The following OPRM1 variants were observed in gnomAD, a reference collection of about 807,000 sequenced individuals.
OPRM1 encodes opioid receptor mu 1.
Under a neutral mutation model 31.8 loss-of-function variants are expected in OPRM1, and 27 were observed. That is an observed-to-expected ratio of 0.85 (90% CI 0.63 to 1.17). The LOEUF (loss-of-function observed/expected upper bound fraction) is 1.17. OPRM1 is among the 50% of genes most tolerant of loss of function. The probability of loss-of-function intolerance (pLI) is 0.00; values close to 1 mark genes in which losing one functional copy is unlikely to be tolerated. For missense variants in OPRM1, 536 were observed against 511.1 expected, an observed-to-expected ratio of 1.05 and a Z score of -0.47; for synonymous variants, 196 against 189.9, an observed-to-expected ratio of 1.03 and a Z score of -0.26.
upstream of OPRM1, among the ~76,000 whole-genome samples, chr6:154,036,710 A>G (rs1252193620): frequency 6.6e-6 from 1 of 152,094 alleles, no homozygotes; most frequent in East Asian, 1.9e-4. Context: ...CTGTGTCATT[A>G]AAAAAATCAC....
chr6:154,203,251 C>G (rs1242066765), intron 3 of OPRM1, among the ~76,000 whole-genome samples: 1 of 152,150 alleles, frequency 6.6e-6, no homozygotes, highest in African/African-American at 2.4e-5. Flanking sequence ...ATGAGCCCAA[C>G]CTTCGTGTGT....
intron 3 of OPRM1, among the ~76,000 whole-genome samples, chr6:154,116,076 C>T (rs548165809): frequency 6.6e-6 from 1 of 152,266 alleles, no homozygotes; most frequent in South Asian, 2.1e-4. Flanking sequence ...TAAATCAGCA[C>T]AGCTGCCAGT....
At chr6:154,069,155 G>A (rs757507862) in intron 1 of OPRM1, among the ~76,000 whole-genome samples, 3 of 152,142 alleles carry the variant, frequency 2.0e-5, no homozygotes, top group Admixed American at 1.3e-4. Flanking sequence ...TTTGAATGTT[G>A]TCTTTTCACT....
chr6:154,061,497 G>T (rs1784407178), intron 1 of OPRM1, among the ~76,000 whole-genome samples: 1 of 152,044 alleles, frequency 6.6e-6, no homozygotes, highest in African/African-American at 2.4e-5. Flanking sequence ...CCATAAAAAA[G>T]AATGAAATCA....
Position 154,219,485 on chromosome 6 carries a change from GAAAAGAC to G in OPRM1, c.1165-27207_1165-27201del, listed in dbSNP as rs1403177890. ...ACTGTTTCACCACCATTCAAGACCA[GAAAAGAC>G]CATTTGGGATGAACTGAGGCTCAGC... On this transcript the variant is annotated intron_variant, in intron 3 of 3. Coordinates refer to the OPRM1 transcript ENST00000337049. 2.1e-4 allele frequency among the ~76,000 whole-genome samples: 32 copies of G among 152,234 alleles called. No homozygotes were observed. The East Asian group carries it at 6.0e-3, about 29-fold the overall frequency.
intron 3 of OPRM1, among the ~76,000 whole-genome samples, chr6:154,097,171 C>T (rs750116388): frequency 1.4e-4 from 21 of 152,188 alleles, no homozygotes; most frequent in Non-Finnish European, 2.5e-4. Flanking sequence ...ATAAAGTGAA[C>T]GTCGTGGCAT....
chr6:154,143,307 G>A (rs1432653727), intron 3 of OPRM1, among the ~76,000 whole-genome samples: 1 of 151,952 alleles, frequency 6.6e-6, no homozygotes, highest in East Asian at 1.9e-4. Context: ...CATCACTCTT[G>A]CTCCATCTAT....
At chr6:154,035,143 G>A (rs938529381), upstream of OPRM1, among the ~76,000 whole-genome samples, 2 of 152,042 alleles carry the variant, frequency 1.3e-5, no homozygotes, top group African/African-American at 4.8e-5. Flanking sequence ...CCAAATATCA[G>A]GAAGTATAAG....
At chr6:154,181,896 T>G (rs942733307) in intron 3 of OPRM1, among the ~76,000 whole-genome samples, 2 of 152,176 alleles carry the variant, frequency 1.3e-5, no homozygotes, top group Admixed American at 6.5e-5. Context: ...TGTACAAGAC[T>G]GCAGCCATGT....
intron 3 of OPRM1, among the ~76,000 whole-genome samples, chr6:154,150,744 T>C (rs758413316): frequency 2.0e-5 from 3 of 152,266 alleles, no homozygotes; most frequent in Admixed American, 6.5e-5. Context: ...GACTTTGACA[T>C]TGAAGACTGG....
At position 154,039,635 on chromosome 6, in the gene OPRM1, T is replaced by A. The variant is rs1423291779; in HGVS notation, c.91T>A (p.Trp31Arg). The change falls in exon 1 of 4, where the codon TGG (tryptophan) becomes AGG (arginine). Residue 31 changes from tryptophan (W) to arginine (R), a missense_variant. Transcript: ENST00000330432. ...CTCCCCAGCACCCAGCCCCGGTTCC[T>A]GGGTCAACTTGTCCCACTTAGATGG... ...SCSPAPSPGSWVNLSHLDGNL... is the reference protein window; with the variant it reads ...SCSPAPSPGSRVNLSHLDGNL... 3 of 1,613,610 alleles carry A rather than the reference T, an allele frequency of 1.9e-6. No homozygotes were observed. In the Admixed American group the frequency reaches 5.0e-5, roughly 27 times the overall value.
chr6:154,228,815 A>G (rs1265204994), intron 3 of OPRM1, among the ~76,000 whole-genome samples: 2 of 152,160 alleles, frequency 1.3e-5, no homozygotes, highest in Non-Finnish European at 2.9e-5. Flanking sequence ...TTGAGGCCAG[A>G]CGTTCAAGGC....
chr6:154,108,665 G>A, intron 3 of OPRM1: 1 of 364,088 alleles, frequency 2.7e-6, no homozygotes, highest in Non-Finnish European at 3.8e-6. Flanking sequence ...TAGCATCAAA[G>A]CTGTTCTTAG....
At chr6:154,038,015 G>A (rs1397164816), upstream of OPRM1, among the ~76,000 whole-genome samples, 1 of 152,080 alleles carries the variant, frequency 6.6e-6, no homozygotes, top group Admixed American at 6.5e-5. Context: ...GGAAATCTCT[G>A]TAACATTTTA....
At chr6:154,166,527 C>T (rs915662350) in intron 3 of OPRM1, among the ~76,000 whole-genome samples, 6 of 152,222 alleles carry the variant, frequency 3.9e-5, no homozygotes, top group Non-Finnish European at 5.9e-5. Context: ...TCACGGATTT[C>T]GTGACAGTGT....
Position 154,122,499 on chromosome 6 carries a change from A to G in OPRM1, c.*3778A>G, listed in dbSNP as rs1454660076. Among the ~76,000 whole-genome samples, 1 of 152,202 alleles carries G rather than the reference A, an allele frequency of 6.6e-6. No individual in the cohort carries two copies. Among genetic ancestry groups the G allele is most frequent in the African/African-American group, 2.4e-5 (1 of 41,466 alleles). On this transcript the variant is annotated 3_prime_UTR_variant, in exon 4 of 4. Transcript: ENST00000330432. ...GATTGTATTTAAGACCACTGCAAGT[A>G]AGGTCTAAGGCAAAAGTAAATTAAT...
intron 1 of OPRM1, chr6:154,086,596 C>T: frequency 4.1e-6 from 4 of 984,418 alleles, no homozygotes; most frequent in Non-Finnish European, 4.8e-6. Flanking sequence ...ACACCTCACT[C>T]TGGAGAAGGA....
At chr6:154,171,786 A>AG (rs1247605182) in intron 3 of OPRM1, among the ~76,000 whole-genome samples, 1 of 152,198 alleles carries the variant, frequency 6.6e-6, no homozygotes, top group African/African-American at 2.4e-5. Context: ...TGACTCCTGA[A>AG]GGGGGGCATT....
At chr6:154,059,407 C>T (rs971007645) in intron 1 of OPRM1, among the ~76,000 whole-genome samples, 8 of 152,158 alleles carry the variant, frequency 5.3e-5, no homozygotes, top group Admixed American at 1.3e-4. Flanking sequence ...CATCATTACT[C>T]AATGTGTGAC....
Sources: allele counts gnomAD v4.1 joint callset (sites outside exome capture counted in the v4.1 genomes callset), GRCh38; gene constraint gnomAD v4.1.1; transcripts MANE v1.5; gene names NCBI Gene and HGNC (gene_info 2026-07-23, HGNC 2026-07-21).